Variants in ART3 observed in about 807,000 individuals in gnomAD.
The protein encoded by ART3 is ADP-ribosyltransferase 3 (inactive), also known as ecto-ADP-ribosyltransferase 3.
ART3 carries 49 observed loss-of-function variants against 48.5 expected under a neutral mutation model. The ratio of observed to expected loss-of-function variants is 1.01; its 90% CI spans 0.80 to 1.28. The LOEUF (loss-of-function observed/expected upper bound fraction) is 1.28. ART3 is among the 50% of genes most tolerant of loss of function. ART3 has a pLI of 0.00. For missense variants in ART3, 438 were observed against 454.3 expected (o/e 0.96, Z 0.33); for synonymous variants, 145 against 157.2 (o/e 0.92, Z 0.58).
intron 1 of ART3, among the ~76,000 whole-genome samples, chr4:76,050,837 C>A (rs1224480135): frequency 6.6e-6 from 1 of 152,216 alleles, no homozygotes; most frequent in African/African-American, 2.4e-5. Context: ...AGAAATGGAG[C>A]GCAGTGCCAG....
chr4:76,054,011 G>T (rs1736382564), intron 1 of ART3, among the ~76,000 whole-genome samples: 2 of 152,210 alleles, frequency 1.3e-5, no homozygotes, highest in Non-Finnish European at 1.5e-5. Flanking sequence ...ATTGTTAGGG[G>T]ATAGAAACGT....
At chr4:76,048,331 T>A (rs1735709466) in intron 1 of ART3, among the ~76,000 whole-genome samples, 1 of 151,772 alleles carries the variant, frequency 6.6e-6, no homozygotes, top group Non-Finnish European at 1.5e-5. Flanking sequence ...TGGCCATTTT[T>A]CCCCATCAGA....
At chr4:76,109,176 A>G (rs1234356228) in intron 11 of ART3, among the ~76,000 whole-genome samples, 1 of 152,208 alleles carries the variant, frequency 6.6e-6, no homozygotes, top group Non-Finnish European at 1.5e-5. Context: ...CTTAGCTTAA[A>G]ACACACATTG....
chr4:76,048,699 A>G (rs1263817917), intron 1 of ART3, among the ~76,000 whole-genome samples: 1 of 151,990 alleles, frequency 6.6e-6, no homozygotes, highest in Non-Finnish European at 1.5e-5. Flanking sequence ...CTCCCAGACC[A>G]CATGGAGGAC....
chr4:76,089,426 CACA>C (rs1724333393), intron 3 of ART3, among the ~76,000 whole-genome samples: 1 of 152,106 alleles, frequency 6.6e-6, no homozygotes, highest in Non-Finnish European at 1.5e-5. Flanking sequence ...ATAGAGTTCT[CACA>C]ACATCTGGTT....
intron 1 of ART3, among the ~76,000 whole-genome samples, chr4:76,068,824 G>A (rs56400743): frequency 0.21 from 31,343 of 152,106 alleles, 5,493 homozygotes; most frequent in African/African-American, 0.48. Context: ...TTCATGTAAA[G>A]TATTCACTTG....
intron 1 of ART3, among the ~76,000 whole-genome samples, chr4:76,035,512 A>G (rs1214474861): frequency 6.6e-6 from 1 of 152,210 alleles, no homozygotes; most frequent in East Asian, 1.9e-4. Flanking sequence ...GATGTTGATT[A>G]TTTTCTCATT....
At position 76,081,751 on chromosome 4, in the gene ART3, G is replaced by A. The variant is rs527679736; in HGVS notation, c.70-73G>A. 7.5e-6 allele frequency: 11 copies of A among 1,465,408 alleles called. No individual in the cohort carries two copies. In the African/African-American group the frequency reaches 9.8e-5, roughly 13 times the overall value. 90.8% of individuals were successfully genotyped at this position (1,465,408 alleles called of 1,614,324 possible). The stretch of plus-strand genomic sequence containing the variant: ...TTTGGCAAGGGATGAGAAGGTGGGG[G>A]TAATAATGTGAGAGAAAATGATATT... On this transcript the variant is annotated intron_variant, in intron 2 of 11. Transcript: ENST00000355810.
At position 76,061,612 on chromosome 4, in the gene ART3, C is replaced by T. The variant is rs563314717; in HGVS notation, c.-9-14269C>T. Among the ~76,000 whole-genome samples the T allele has an allele frequency of 5.9e-5, 9 of 152,364 alleles. 1 individual carries two copies. The South Asian group carries it at 1.7e-3, about 28-fold the overall frequency. On this transcript the variant is annotated intron_variant, in intron 1 of 9. Transcript: ENST00000341029. Reference sequence around the variant, plus strand: ...CAATTTCTAAGCATTACACACAAGGCGCTCTTTATGATCTGATTCCTCTTT... The same window carrying T: ...CAATTTCTAAGCATTACACACAAGGTGCTCTTTATGATCTGATTCCTCTTT...
In ART3 at chr4:76,022,007, G is replaced by C. The variant is rs1732871442; in HGVS notation, c.-10+10687G>C. 4.8e-6 allele frequency: 7 copies of C among 1,468,472 alleles called. No individual in the cohort carries two copies. In the South Asian group the frequency reaches 7.9e-5, roughly 17 times the overall value. 91.0% of individuals were successfully genotyped at this position (1,468,472 alleles called of 1,614,324 possible). On this transcript the variant is annotated intron_variant, in intron 1 of 9. Coordinates refer to the ART3 transcript ENST00000341029. ...TAGTCTGACTCTGGCTTCAGATTGGGTTGTGTTTGGAAAGTACCGAGTTCA... is the reference window on the plus strand; with the variant it reads ...TAGTCTGACTCTGGCTTCAGATTGGCTTGTGTTTGGAAAGTACCGAGTTCA...
chr4:76,041,254 G>A (rs994038765), intron 1 of ART3: 1 of 152,210 alleles, frequency 6.6e-6, no homozygotes, highest in African/African-American at 2.4e-5. Flanking sequence ...TATACTCTCT[G>A]ACATCACATG....
intron 1 of ART3, among the ~76,000 whole-genome samples, chr4:76,048,795 C>T (rs556867441): frequency 4.9e-5 from 7 of 142,888 alleles, no homozygotes; most frequent in East Asian, 4.4e-4. Context: ...CAAGGAGGAC[C>T]GACCACAAAA....
chr4:76,028,093 A>G (rs1733567713), intron 1 of ART3, among the ~76,000 whole-genome samples: 1 of 152,092 alleles, frequency 6.6e-6, no homozygotes, highest in African/African-American at 2.4e-5. Context: ...CAAACGAAGG[A>G]CCCTTCTCTT....
At chr4:76,035,788 T>C in intron 1 of ART3, 1 of 703,234 alleles carries the variant, frequency 1.4e-6, no homozygotes, top group South Asian at 2.0e-5. Context: ...CCACCATTTC[T>C]GTGCTAAAGC....
chr4:76,014,057 C>T (rs1371772765), intron 1 of ART3, among the ~76,000 whole-genome samples: 1 of 151,932 alleles, frequency 6.6e-6, no homozygotes, highest in African/African-American at 2.4e-5. Context: ...TAATTTCCTT[C>T]ATAATTAAAA....
chr4:76,104,548 T>C (rs1425650482), intron 9 of ART3, 49 bp from the exon 10 acceptor site: 1 of 1,551,296 alleles, frequency 6.4e-7, no homozygotes, highest in Non-Finnish European at 8.7e-7. Flanking sequence ...TTGAAAATTA[T>C]ACTCAGTGGA....
intron 1 of ART3, chr4:76,035,253 T>A: frequency 6.2e-7 from 1 of 1,614,116 alleles, no homozygotes; most frequent in Non-Finnish European, 8.5e-7. Flanking sequence ...CTTGGGTACA[T>A]TATGGAGGCT....
chr4:76,070,109 A>G (rs774440881), upstream of ART3, among the ~76,000 whole-genome samples: 4 of 151,856 alleles, frequency 2.6e-5, no homozygotes, highest in Admixed American at 6.6e-5. Context: ...ACTATTATGA[A>G]TCAACCTGCT....
intron 1 of ART3, among the ~76,000 whole-genome samples, chr4:76,044,105 A>G (rs1235543652): frequency 6.6e-6 from 1 of 151,944 alleles, no homozygotes; most frequent in East Asian, 1.9e-4. Flanking sequence ...GAGGAAACAA[A>G]TTTGACAGGA....
Sources: gnomAD v4.1 joint callset for allele counts (sites outside exome capture counted in the v4.1 genomes callset) on GRCh38, gnomAD v4.1.1 for gene constraint, MANE v1.5 for transcripts, NCBI Gene and HGNC (gene_info 2026-07-23, HGNC 2026-07-21) for gene names.